C8orf34: variants seen among roughly 807,000 people sequenced by gnomAD.
The protein encoded by C8orf34 is uncharacterized protein C8orf34.
A neutral mutation model predicts 68.3 loss-of-function variants in C8orf34; 65 were observed. That is an observed-to-expected ratio of 0.95 (90% CI 0.78 to 1.17). C8orf34 has a LOEUF of 1.17. C8orf34 is among the 50% of genes most tolerant of loss of function. The probability of loss-of-function intolerance (pLI) is 0.00; values close to 1 mark genes in which losing one functional copy is unlikely to be tolerated. For missense variants in C8orf34, 664 were observed against 655.4 expected, an observed-to-expected ratio of 1.01 and a Z score of -0.14; for synonymous variants, 244 against 241.2, an observed-to-expected ratio of 1.01 and a Z score of -0.11.
At chr8:68,689,334 T>A (rs1202846390) in intron 8 of C8orf34, among the ~76,000 whole-genome samples, 1 of 151,940 alleles carries the variant, frequency 6.6e-6, no homozygotes, top group Non-Finnish European at 1.5e-5. Flanking sequence ...TGGGGGAAAC[T>A]AAAATCTCAG....
intron 8 of C8orf34, among the ~76,000 whole-genome samples, chr8:68,652,931 T>C (rs1430888357): frequency 6.6e-6 from 1 of 152,186 alleles, no homozygotes; most frequent in African/African-American, 2.4e-5. Context: ...CTTTATTAGA[T>C]AAATATGTAT....
At chr8:68,342,407 C>A (rs6472395) in intron 1 of C8orf34, among the ~76,000 whole-genome samples, 1 of 151,742 alleles carries the variant, frequency 6.6e-6, no homozygotes, top group African/African-American at 2.4e-5. Context: ...GATAAGTTAC[C>A]GGTTAGGAGA....
chr8:68,591,877 T>G (rs1476823164), intron 7 of C8orf34, among the ~76,000 whole-genome samples: 1 of 152,190 alleles, frequency 6.6e-6, no homozygotes, highest in African/African-American at 2.4e-5. Context: ...TGGCCTCAGA[T>G]GCTGTATAAT....
At chr8:68,374,148 C>A (rs1807689022) in intron 1 of C8orf34, among the ~76,000 whole-genome samples, 1 of 152,174 alleles carries the variant, frequency 6.6e-6, no homozygotes, top group South Asian at 2.1e-4. Context: ...CTACTGGCCT[C>A]AAGTAATTCT....
chr8:68,793,882 G>A (rs1434517910), intron 12 of C8orf34, among the ~76,000 whole-genome samples: 1 of 152,038 alleles, frequency 6.6e-6, no homozygotes, highest in Non-Finnish European at 1.5e-5. Context: ...ATAGAAAACA[G>A]GAAATGAGGG....
chr8:68,461,050 T>C (rs1469106197), intron 3 of C8orf34, among the ~76,000 whole-genome samples: 1 of 152,076 alleles, frequency 6.6e-6, no homozygotes, highest in Non-Finnish European at 1.5e-5. Flanking sequence ...TTGAAAAAAT[T>C]TAGACGAATG....
intron 5 of C8orf34, among the ~76,000 whole-genome samples, chr8:68,512,375 C>T (rs1486846539): frequency 6.6e-6 from 1 of 152,096 alleles, no homozygotes; most frequent in East Asian, 1.9e-4. Flanking sequence ...TTAAATAATC[C>T]TGTTTACCTT....
At chr8:68,737,012 T>C (rs1168642786) in intron 10 of C8orf34, among the ~76,000 whole-genome samples, 1 of 152,106 alleles carries the variant, frequency 6.6e-6, no homozygotes, top group East Asian at 1.9e-4. Flanking sequence ...AATGTTTGAG[T>C]ATGCTGTAAT....
At chr8:68,471,925 AACACAC>A (rs10596354) in intron 4 of C8orf34, among the ~76,000 whole-genome samples, 4,855 of 147,394 alleles carry the variant, frequency 0.033, 223 homozygotes, top group African/African-American at 0.095. Context: ...GACTTAAATG[AACACAC>A]ACACACACAC....
intron 8 of C8orf34, among the ~76,000 whole-genome samples, chr8:68,657,897 G>A (rs1819555393): frequency 6.6e-6 from 1 of 152,188 alleles, no homozygotes; most frequent in Non-Finnish European, 1.5e-5. Flanking sequence ...AAGCTGAGCA[G>A]TTTTCCTGGC....
At chr8:68,746,237 T>C (rs1414385585) in intron 10 of C8orf34, among the ~76,000 whole-genome samples, 4 of 151,216 alleles carry the variant, frequency 2.6e-5, no homozygotes, top group African/African-American at 9.7e-5. Flanking sequence ...TTCAAAGCAG[T>C]GTGTAGAGGG....
chr8:68,804,386 C>A (rs1001068384), intron 12 of C8orf34, among the ~76,000 whole-genome samples: 10 of 152,080 alleles, frequency 6.6e-5, no homozygotes, highest in African/African-American at 2.4e-4. Flanking sequence ...AAATCAGATG[C>A]AAGAATTTTA....
chr8:68,472,325 C>T (rs1812415449), intron 4 of C8orf34, among the ~76,000 whole-genome samples: 1 of 152,152 alleles, frequency 6.6e-6, no homozygotes, highest in Non-Finnish European at 1.5e-5. Context: ...TGTTTGCCCC[C>T]ATCTCAATAG....
chr8:68,495,815 C>T (rs1048313388), intron 5 of C8orf34, among the ~76,000 whole-genome samples: 2 of 152,196 alleles, frequency 1.3e-5, no homozygotes, highest in African/African-American at 4.8e-5. Flanking sequence ...TATCTTTGTG[C>T]CTAGTGCAGA....
intron 1 of C8orf34, 80 bp downstream of exon 1, chr8:68,331,419 C>T (rs1473795005): frequency 2.1e-6 from 3 of 1,416,688 alleles, no homozygotes; most frequent in South Asian, 1.2e-5. Context: ...CTCCCAATCC[C>T]ACCCCTCCCA....
chr8:68,416,159 A>C (rs530022372), intron 1 of C8orf34, among the ~76,000 whole-genome samples: 3 of 152,328 alleles, frequency 2.0e-5, no homozygotes, highest in Non-Finnish European at 2.9e-5. Context: ...GAAGAAGAAC[A>C]ATGTTAGGTT....
intron 2 of C8orf34, among the ~76,000 whole-genome samples, chr8:68,443,258 G>C (rs939183874): frequency 1.3e-5 from 2 of 152,098 alleles, no homozygotes; most frequent in South Asian, 4.2e-4. Context: ...TAGAGGGAAC[G>C]TATGGCAGGA....
chr8:68,372,335 C>A (rs890566433), intron 1 of C8orf34, among the ~76,000 whole-genome samples: 7 of 152,124 alleles, frequency 4.6e-5, no homozygotes, highest in African/African-American at 1.7e-4. Flanking sequence ...ACCCCTAAAG[C>A]CCAGGGAAAC....
rs189462843 is a variant in C8orf34, at chr8:68,439,824, G to A, written c.475+178G>A. Among the ~76,000 whole-genome samples, 50 of 152,050 alleles carry A rather than the reference G, an allele frequency of 3.3e-4. No homozygotes were observed. The East Asian group carries it at 7.7e-3, about 24-fold the overall frequency. Reference sequence around the variant, plus strand: ...ATAAATTATTAAATTTGAATATATCGTAATGTATTATGTCTCAAAATACAA... The same window carrying A: ...ATAAATTATTAAATTTGAATATATCATAATGTATTATGTCTCAAAATACAA... On this transcript the variant is annotated intron_variant, in intron 2 of 13. Coordinates refer to ENST00000518698, the MANE Select transcript of C8orf34 (RefSeq NM_052958.4).
Sources: allele counts gnomAD v4.1 joint callset (sites outside exome capture counted in the v4.1 genomes callset), GRCh38; gene constraint gnomAD v4.1.1; transcripts MANE v1.5; gene names NCBI Gene and HGNC (gene_info 2026-07-23, HGNC 2026-07-21).